Variants in MCPH1 observed in about 807,000 individuals in gnomAD.
MCPH1 encodes microcephalin.
Under a neutral mutation model 84.5 loss-of-function variants are expected in MCPH1, and 104 were observed. That is an observed-to-expected ratio of 1.23 (90% CI 1.05 to 1.45). The LOEUF is 1.45. Among genes scored for constraint, MCPH1 ranks in the 40% most tolerant of loss-of-function variants. The probability of loss-of-function intolerance (pLI) is 0.00; values close to 1 mark genes in which losing one functional copy is unlikely to be tolerated. For missense variants in MCPH1, 1,498 were observed against 1,005.7 expected (o/e 1.49, Z -6.62); for synonymous variants, 514 against 366.8 (o/e 1.40, Z -4.58).
intron 3 of MCPH1, among the ~76,000 whole-genome samples, chr8:6,425,925 G>A (rs569876502): frequency 6.6e-6 from 1 of 152,280 alleles, no homozygotes; most frequent in African/African-American, 2.4e-5. Flanking sequence ...TCGTCCAGAT[G>A]CATCTCAGCC....
chr8:6,523,161 C>G (rs372829942), intron 12 of MCPH1, among the ~76,000 whole-genome samples: 12 of 152,152 alleles, frequency 7.9e-5, no homozygotes, highest in African/African-American at 2.9e-4. Context: ...CCATGTCAGG[C>G]TAACTTTTTG....
chr8:6,483,790 A>T lies in MCPH1; in HGVS notation c.2136+2914A>T, dbSNP rs560329037. On this transcript the variant is annotated intron_variant, in intron 11 of 13. Transcript: ENST00000344683. ...CACAAGAATCACTTAAACCGGTGAG[A>T]TGGAGGTTGCAAAGAGCCAATACCA... 2.0e-5 allele frequency among the ~76,000 whole-genome samples: 3 copies of T among 152,190 alleles called. No individual in the cohort carries two copies. In the South Asian group the frequency reaches 6.2e-4, roughly 32 times the overall value.
At chr8:6,598,200 G>A (rs1258085630) in intron 12 of MCPH1, among the ~76,000 whole-genome samples, 3 of 152,212 alleles carry the variant, frequency 2.0e-5, no homozygotes, top group South Asian at 4.1e-4. Context: ...CAGAGACTCC[G>A]TGTACCTGGG....
intron 12 of MCPH1, among the ~76,000 whole-genome samples, chr8:6,609,801 A>T (rs1278071416): frequency 2.2e-5 from 3 of 136,396 alleles, no homozygotes; most frequent in Non-Finnish European, 4.8e-5. Flanking sequence ...GAATCTCATT[A>T]TCAAAGCAAT....
intron 12 of MCPH1, among the ~76,000 whole-genome samples, chr8:6,578,584 C>G (rs1827301357): frequency 6.6e-6 from 1 of 152,186 alleles, no homozygotes. Flanking sequence ...CAGAATATTT[C>G]ATTGCTACCA....
intron 4 of MCPH1, among the ~76,000 whole-genome samples, chr8:6,433,973 T>C (rs1346677390): frequency 6.6e-6 from 1 of 152,158 alleles, no homozygotes. Flanking sequence ...TCCCTCTGTC[T>C]GGAACATTCT....
intron 9 of MCPH1, among the ~76,000 whole-genome samples, chr8:6,465,444 G>A (rs1023421700): frequency 4.6e-5 from 7 of 152,104 alleles, no homozygotes; most frequent in Admixed American, 2.0e-4. Context: ...CACATCACCG[G>A]TATTCTCTTC....
intron 13 of MCPH1, chr8:6,622,322 C>G (rs1412094951): frequency 3.1e-5 from 5 of 158,942 alleles, no homozygotes; most frequent in Admixed American, 2.4e-4. Flanking sequence ...GGCTGGAACC[C>G]CACGCCGTGC....
At chr8:6,599,642 A>G (rs1686923085) in intron 12 of MCPH1, among the ~76,000 whole-genome samples, 2 of 152,158 alleles carry the variant, frequency 1.3e-5, no homozygotes, top group Admixed American at 6.5e-5. Flanking sequence ...AAGTACAACA[A>G]ATTCTCAGGT....
At chr8:6,611,514 C>T (rs905641398) in intron 12 of MCPH1, among the ~76,000 whole-genome samples, 11 of 152,326 alleles carry the variant, frequency 7.2e-5, no homozygotes, top group Admixed American at 2.0e-4. Context: ...GGCCCGGGGC[C>T]GGGGAGCAGG....
chr8:6,532,188 C>T, intron 12 of MCPH1: 1 of 974,442 alleles, frequency 1.0e-6, no homozygotes, highest in Non-Finnish European at 1.5e-6. Context: ...GCCATACATC[C>T]TTAATTTCTT....
intron 3 of MCPH1, among the ~76,000 whole-genome samples, chr8:6,415,312 A>G (rs1799112985): frequency 1.1e-5 from 1 of 94,536 alleles, no homozygotes; most frequent in Non-Finnish European, 2.1e-5. Flanking sequence ...TTTTGAGACA[A>G]AGTCTTGCTC....
At chr8:6,536,067 AAAAATT>A (rs1427328680) in intron 12 of MCPH1, among the ~76,000 whole-genome samples, 7 of 152,144 alleles carry the variant, frequency 4.6e-5, no homozygotes, top group East Asian at 1.9e-4. Context: ...AAAAAAAGAA[AAAAATT>A]AAAATTAAAA....
At chr8:6,464,152 C>T (rs1806584793) in intron 9 of MCPH1, among the ~76,000 whole-genome samples, 1 of 152,186 alleles carries the variant, frequency 6.6e-6, no homozygotes, top group South Asian at 2.1e-4. Flanking sequence ...ACCAGCCGGC[C>T]AGTGAGCTCT....
chr8:6,521,277 T>A (rs779797623), intron 12 of MCPH1: 16 of 1,579,620 alleles, frequency 1.0e-5, no homozygotes, highest in Non-Finnish European at 6.1e-6. Flanking sequence ...GCAGTCACTA[T>A]TTTTTTTTCT....
intron 11 of MCPH1, among the ~76,000 whole-genome samples, chr8:6,496,465 G>A (rs777087502): frequency 6.6e-6 from 1 of 152,120 alleles, no homozygotes; most frequent in South Asian, 2.1e-4. Flanking sequence ...TGTTTTACAC[G>A]ATGTGGAGTC....
At chr8:6,446,284 A>C in intron 8 of MCPH1, 1 of 985,228 alleles carries the variant, frequency 1.0e-6, no homozygotes, top group Non-Finnish European at 1.2e-6. Context: ...AATTGAAGAA[A>C]TCTTGAACTT....
intron 2 of MCPH1, among the ~76,000 whole-genome samples, chr8:6,410,887 C>G (rs746217144): frequency 3.3e-5 from 5 of 151,982 alleles, no homozygotes; most frequent in East Asian, 1.9e-4. Context: ...GTCAGGAGTT[C>G]GAGACCAGCC....
chr8:6,580,694 G>A (rs746268448), intron 12 of MCPH1, among the ~76,000 whole-genome samples: 2 of 152,070 alleles, frequency 1.3e-5, no homozygotes, highest in Non-Finnish European at 2.9e-5. Flanking sequence ...AAAACTCAGA[G>A]TTGGAGAAGG....
Sources: allele counts gnomAD v4.1 joint callset (sites outside exome capture counted in the v4.1 genomes callset), GRCh38; gene constraint gnomAD v4.1.1; transcripts MANE v1.5; gene names NCBI Gene and HGNC (gene_info 2026-07-23, HGNC 2026-07-21).